DYM: variants seen among roughly 807,000 people sequenced by gnomAD.
DYM encodes the protein dyggve-Melchior-Clausen syndrome protein.
DYM carries 78 observed loss-of-function variants against 93.1 expected under a neutral mutation model. The observed-to-expected ratio is 0.84, with a 90% CI of 0.70 to 1.01. The LOEUF is 1.01. DYM is among the 50% of genes least tolerant of loss of function. The pLI, the probability that DYM is intolerant of heterozygous loss-of-function variation, is 0.00. For synonymous variants in DYM, 321 were observed against 319.7 expected (o/e 1.00, Z -0.04); for missense variants, 789 against 845.0 (o/e 0.93, Z 0.82).
At chr18:49,169,548 A>G (rs576087585) in intron 14 of DYM, among the ~76,000 whole-genome samples, 2 of 152,322 alleles carry the variant, frequency 1.3e-5, no homozygotes, top group South Asian at 4.1e-4. Flanking sequence ...CAGGACTACA[A>G]TATGAGAAAG....
chr18:49,277,506 C>T (rs1460692936), intron 10 of DYM, among the ~76,000 whole-genome samples: 1 of 152,128 alleles, frequency 6.6e-6, no homozygotes, highest in African/African-American at 2.4e-5. Flanking sequence ...TATGTTAAAA[C>T]CCTAACCCAC....
At chr18:49,224,033 C>G (rs1366589866) in intron 13 of DYM, among the ~76,000 whole-genome samples, 1 of 151,934 alleles carries the variant, frequency 6.6e-6, no homozygotes, top group Non-Finnish European at 1.5e-5. Flanking sequence ...GACATCAGAC[C>G]TGTTAAAGAG....
At chr18:49,107,509 G>C (rs2080958053) in intron 16 of DYM, among the ~76,000 whole-genome samples, 2 of 152,168 alleles carry the variant, frequency 1.3e-5, no homozygotes, top group African/African-American at 4.8e-5. Flanking sequence ...CAGGTTTTCT[G>C]CTCTGTTTTT....
At chr18:49,359,241 C>T (rs902852462) in intron 6 of DYM, among the ~76,000 whole-genome samples, 4 of 151,978 alleles carry the variant, frequency 2.6e-5, no homozygotes, top group African/African-American at 4.8e-5. Context: ...TGCTTTTGGC[C>T]GATTTATTTA....
chr18:49,215,133 C>T (rs1031797730), intron 13 of DYM, among the ~76,000 whole-genome samples: 7 of 152,172 alleles, frequency 4.6e-5, no homozygotes, highest in African/African-American at 1.4e-4. Flanking sequence ...TAACTTCTAC[C>T]CAGTAATGAA....
intron 13 of DYM, among the ~76,000 whole-genome samples, chr18:49,242,857 G>A (rs1249877633): frequency 1.3e-5 from 2 of 152,052 alleles, no homozygotes; most frequent in African/African-American, 2.4e-5. Flanking sequence ...CCGCCACCAC[G>A]CCCGGCTAAT....
At chr18:49,108,078 T>C (rs951459550) in intron 16 of DYM, among the ~76,000 whole-genome samples, 1 of 144,942 alleles carries the variant, frequency 6.9e-6, no homozygotes, top group East Asian at 1.9e-4. Flanking sequence ...CTGGCCACTT[T>C]GTTTACCTAC....
At chr18:49,136,634 G>A (rs920504604) in intron 15 of DYM, among the ~76,000 whole-genome samples, 2 of 152,054 alleles carry the variant, frequency 1.3e-5, no homozygotes, top group Non-Finnish European at 2.9e-5. Context: ...GTCTTCTTGG[G>A]AAGAAGTGTG....
intron 15 of DYM, among the ~76,000 whole-genome samples, chr18:49,156,732 C>T (rs1487043234): frequency 1.6e-5 from 1 of 63,210 alleles, no homozygotes; most frequent in East Asian, 3.8e-4. Flanking sequence ...AACGCTGTCT[C>T]AAAAAAAAAA....
intron 17 of DYM, among the ~76,000 whole-genome samples, chr18:49,054,840 A>G (rs1333661998): frequency 6.6e-6 from 1 of 152,150 alleles, no homozygotes; most frequent in Non-Finnish European, 1.5e-5. Flanking sequence ...CAGTTTTTGT[A>G]AGTAAGGGCG....
At chr18:49,065,199 G>A (rs1012630538) in intron 17 of DYM, among the ~76,000 whole-genome samples, 2 of 151,986 alleles carry the variant, frequency 1.3e-5, no homozygotes, top group Admixed American at 6.6e-5. Flanking sequence ...ACCCACAGAA[G>A]GCTTGGGTCT....
At chr18:49,212,910 C>CT in intron 13 of DYM, among the ~76,000 whole-genome samples, 1 of 152,160 alleles carries the variant, frequency 6.6e-6, no homozygotes, top group East Asian at 1.9e-4. Flanking sequence ...TCATTCTGAC[C>CT]TCTATACTTA....
intron 1 of DYM, among the ~76,000 whole-genome samples, chr18:49,441,272 T>TACATA: frequency 2.8e-5 from 1 of 36,238 alleles, no homozygotes; most frequent in Non-Finnish European, 4.7e-5. Context: ...TTATATAATA[T>TACATA]ATATTATATA....
chr18:49,124,697 T>C (rs1354676703), intron 15 of DYM, among the ~76,000 whole-genome samples: 1 of 152,194 alleles, frequency 6.6e-6, no homozygotes, highest in Non-Finnish European at 1.5e-5. Flanking sequence ...TTATAGATTA[T>C]ATTCAGTTGC....
intron 13 of DYM, among the ~76,000 whole-genome samples, chr18:49,225,853 A>C (rs1352559465): frequency 3.9e-5 from 6 of 152,164 alleles, no homozygotes. Flanking sequence ...AAATATCTTA[A>C]ATAGCAATTT....
At chr18:49,269,733 T>A (rs1197650884) in intron 11 of DYM, among the ~76,000 whole-genome samples, 1 of 152,236 alleles carries the variant, frequency 6.6e-6, no homozygotes, top group Non-Finnish European at 1.5e-5. Context: ...GTGTTTGTGG[T>A]GACTTTATAA....
At chr18:49,196,438 T>TACACACACACAC (rs35296321) in intron 14 of DYM, among the ~76,000 whole-genome samples, 1 of 150,156 alleles carries the variant, frequency 6.7e-6, no homozygotes, top group Non-Finnish European at 1.5e-5. Flanking sequence ...GATCAGTGGT[T>TACACACACACAC]ACACACACAC....
intron 17 of DYM, among the ~76,000 whole-genome samples, chr18:49,080,746 G>T (rs550504563): frequency 1.5e-4 from 22 of 148,622 alleles, no homozygotes; most frequent in Admixed American, 1.3e-3. Flanking sequence ...CTTCTCAGAC[G>T]GGGCAGCTCC....
intron 13 of DYM, among the ~76,000 whole-genome samples, chr18:49,252,635 A>G (rs900751103): frequency 9.2e-5 from 14 of 152,212 alleles, no homozygotes; most frequent in African/African-American, 3.4e-4. Flanking sequence ...AGTCATAGAC[A>G]TATATGTGAT....
Sources: gnomAD v4.1 joint callset for allele counts (sites outside exome capture counted in the v4.1 genomes callset) on GRCh38, gnomAD v4.1.1 for gene constraint, MANE v1.5 for transcripts, NCBI Gene and HGNC (gene_info 2026-07-23, HGNC 2026-07-21) for gene names.